Variants in ARG2 observed in about 807,000 individuals in gnomAD.
The protein encoded by ARG2 is arginase 2, also known as arginase-2, mitochondrial.
ARG2 carries 21 observed loss-of-function variants against 39.4 expected under a neutral mutation model. The ratio of observed to expected loss-of-function variants is 0.53; its 90% CI spans 0.38 to 0.77. The LOEUF is 0.77. ARG2 is among the 30% of genes least tolerant of loss of function. ARG2 has a pLI of 0.00. For synonymous variants in ARG2, 150 were observed against 156.7 expected (o/e 0.96, Z 0.32); for missense variants, 378 against 426.2 (o/e 0.89, Z 1.00).
rs991109249 is a variant in ARG2, at chr14:67,627,225, TAAA to T, written c.184+6263_184+6265del. Among the ~76,000 whole-genome samples the T allele has an allele frequency of 5.5e-5, 8 of 144,688 alleles. No individual in the cohort carries two copies. In the South Asian group the frequency reaches 1.1e-3, roughly 20 times the overall value. The allele number at this position is 144,688 out of a possible 152,430, so 94.9% of individuals were successfully genotyped here. On this transcript the variant is annotated intron_variant, in intron 2 of 7. Coordinates refer to ENST00000261783, the MANE Select transcript of ARG2 (RefSeq NM_001172.4). ...GGTATGTGAATTATATCTCAATAAT[TAAA>T]AAACTAGGCAATTGTGATCAGTAAG...
chr14:67,636,948 ACAGTTAGAGAAAGGGAAAGT>A lies in ARG2; in HGVS notation c.185-5237_185-5218del, dbSNP rs552408576. 1.7e-4 allele frequency among the ~76,000 whole-genome samples: 26 copies of A among 152,358 alleles called. No individual in the cohort carries two copies. The South Asian group carries it at 5.0e-3, about 29-fold the overall frequency. On this transcript the variant is annotated intron_variant, in intron 2 of 7. Coordinates refer to ENST00000261783, the MANE Select transcript of ARG2 (RefSeq NM_001172.4). ...ACTTACAGATGAATTGACCTGATGC[ACAGTTAGAGAAAGGGAAAGT>A]TCCCACAGGCATAACAGCCAGACAC... is the stretch of plus-strand genomic sequence containing the variant.
Position 67,651,078 on chromosome 14 carries a change from C to T in ARG2, c.*158C>T, listed in dbSNP as rs537036611. 6.7e-5 allele frequency: 65 copies of T among 965,264 alleles called. No individual in the cohort carries two copies. The Admixed American group carries it at 1.2e-3, about 18-fold the overall frequency. 59.8% of individuals were successfully genotyped at this position (965,264 alleles called of 1,614,324 possible). Reference sequence around the variant, plus strand: ...TAAAGTTTCCCCTCTATTTTGGTGACCAATACTACTGTAAATGTATTTGGT... The same window carrying T: ...TAAAGTTTCCCCTCTATTTTGGTGATCAATACTACTGTAAATGTATTTGGT... On this transcript the variant is annotated 3_prime_UTR_variant, in exon 8 of 8. Coordinates refer to ENST00000261783, the MANE Select transcript of ARG2 (RefSeq NM_001172.4).
chr14:67,621,055 TTG>T (rs2036805265), intron 2 of ARG2, 89 bp downstream of exon 2: 2 of 1,290,292 alleles, frequency 1.6e-6, no homozygotes, highest in South Asian at 1.2e-5. Flanking sequence ...CTACACAGCT[TTG>T]TGTTTGGGAA....
rs768622010 is a variant in ARG2 at position 67,646,968 on chromosome 14, T to C, written c.665T>C (p.Ile222Thr). 5.0e-6 allele frequency: 8 copies of C among 1,612,696 alleles called. No homozygotes were observed. The African/African-American group carries it at 6.7e-5, about 13-fold the overall frequency. The change falls in exon 6 of 8, where the codon ATT becomes ACT. Residue 222 changes from isoleucine to threonine, a missense_variant. Coordinates refer to ENST00000261783, the MANE Select transcript of ARG2 (RefSeq NM_001172.4). ...ATCCAGTATTTTTCCATGAGAGATA[T>C]TGATCGACTTGGTATCCAGAAGGTC... ...YDIQYFSMRD[I>T]DRLGIQKVME... is the part of the protein sequence containing the mutation.
Position 67,646,692 on chromosome 14 carries a change from G to C in ARG2, c.571G>C (p.Ala191Pro), listed in dbSNP as rs199828283. The change falls in exon 5 of 8, where the codon GCA (alanine) becomes CCA (proline). Residue 191 changes from alanine (A) to proline (P), a missense_variant. Ala to Pro is a conservative substitution (Grantham distance 27). Coordinates refer to ENST00000261783, the MANE Select transcript of ARG2 (RefSeq NM_001172.4). Reference protein sequence around the residue: ...FSWIKPCISSASIVYIGLRDV... With the variant: ...FSWIKPCISSPSIVYIGLRDV... Reference sequence around the variant, plus strand: ...CTGGATCAAACCTTGTATCTCTTCTGCAAGTATTGTGTATATTGGTCTGAG... The same window carrying C: ...CTGGATCAAACCTTGTATCTCTTCTCCAAGTATTGTGTATATTGGTCTGAG... 2.5e-6 allele frequency: 4 copies of C among 1,613,836 alleles called. No homozygotes were observed. The highest frequency in any genetic ancestry group is 1.3e-5 in the African/African-American group (1 of 75,016).
chr14:67,645,769 A>G lies in ARG2; in HGVS notation c.489A>G (p.Pro163=). The change falls in exon 4 of 8, where the codon CCA becomes CCG. Residue 163 remains proline (P), a synonymous_variant. Coordinates refer to ENST00000261783, the MANE Select transcript of ARG2 (RefSeq NM_001172.4). The part of the protein sequence containing the change: ...TTSSGNLHGQ[P]VSFLLRELQD... The stretch of plus-strand genomic sequence containing the variant: ...CATCAGGAAATCTCCATGGACAGCC[A>G]GTTTCATTTCTCCTCAGAGAACTAC... 1 of 1,614,084 alleles carries G rather than the reference A, an allele frequency of 6.2e-7. No individual in the cohort carries two copies. Among genetic ancestry groups the G allele is most frequent in the Non-Finnish European group, 8.5e-7 (1 of 1,179,952 alleles).
rs1296832225 is a variant in ARG2, at chr14:67,651,040, AT to A, written c.*122del. 2 of 1,112,046 alleles carry A rather than the reference AT, an allele frequency of 1.8e-6. No individual in the cohort carries two copies. The highest frequency in any genetic ancestry group is 2.6e-6 in the Non-Finnish European group (2 of 775,148). 68.9% of individuals were successfully genotyped at this position (1,112,046 alleles called of 1,614,324 possible). A position where few individuals can be genotyped will look rare whatever the true frequency, so the allele number is the denominator to read the frequency against. ...ACTGCCTTAATGAGAACATTTACAC[AT>A]TCTCACAATTGTAAAGTTTCCCCTC... On this transcript the variant is annotated 3_prime_UTR_variant, in exon 8 of 8. Transcript: ENST00000261783.
intron 2 of ARG2, among the ~76,000 whole-genome samples, chr14:67,623,082 T>C (rs2036827637): frequency 2.6e-5 from 4 of 152,180 alleles, no homozygotes; most frequent in Admixed American, 2.0e-4. Flanking sequence ...TCAAATATAT[T>C]TAATTGTACA....
rs995335234 is a variant in ARG2 at position 67,640,324 on chromosome 14, G to C, written c.185-1862G>C. ...AAAAGATAAATACAGAATTCTTGCT[G>C]TAGGTGTATCTCACCTTTAAGAATA... On this transcript the variant is annotated intron_variant, in intron 2 of 7. Coordinates refer to ENST00000261783, the MANE Select transcript of ARG2 (RefSeq NM_001172.4). Among the ~76,000 whole-genome samples, 6 of 152,246 alleles carry C rather than the reference G, an allele frequency of 3.9e-5. No individual in the cohort carries two copies. The South Asian group carries it at 8.3e-4, about 21-fold the overall frequency.
chr14:67,636,720 C>T (rs1457028030), intron 2 of ARG2, among the ~76,000 whole-genome samples: 3 of 152,176 alleles, frequency 2.0e-5, no homozygotes, highest in Admixed American at 6.5e-5. Context: ...GAGTAGTACT[C>T]GGTGTATTTT....
intron 2 of ARG2, among the ~76,000 whole-genome samples, chr14:67,623,159 A>C (rs1175076093): frequency 6.6e-6 from 1 of 152,204 alleles, no homozygotes; most frequent in Non-Finnish European, 1.5e-5. Flanking sequence ...AGAATCTCAT[A>C]GCCTATTAAA....
At chr14:67,621,067 A>G in intron 2 of ARG2, 101 bp downstream of exon 2, 2 of 1,077,016 alleles carry the variant, frequency 1.9e-6, no homozygotes, top group South Asian at 2.6e-5. Context: ...GTGTTTGGGA[A>G]CAGTCTGCCA....
chr14:67,650,515 C>T, intron 7 of ARG2, 200 bp from the exon 8 acceptor site: 1 of 589,186 alleles, frequency 1.7e-6, no homozygotes, highest in Non-Finnish European at 3.0e-6. Flanking sequence ...TTCTTTTAAT[C>T]TACTATAGCA....
At position 67,651,052 on chromosome 14, in the gene ARG2, G is replaced by A. The variant is rs569744591; in HGVS notation, c.*132G>A. On this transcript the variant is annotated 3_prime_UTR_variant, in exon 8 of 8. Coordinates refer to ENST00000261783, the MANE Select transcript of ARG2 (RefSeq NM_001172.4). ...AGAACATTTACACATTCTCACAATT[G>A]TAAAGTTTCCCCTCTATTTTGGTGA... The A allele has an allele frequency of 9.0e-7, 1 of 1,106,190 alleles. No homozygotes were observed. The highest frequency in any genetic ancestry group is 1.5e-5 in the South Asian group (1 of 65,852). 68.5% of individuals were successfully genotyped at this position (1,106,190 alleles called of 1,614,324 possible).
intron 1 of ARG2, 70 bp from the exon 2 acceptor site, chr14:67,620,824 T>C: frequency 6.5e-7 from 1 of 1,530,544 alleles, no homozygotes; most frequent in South Asian, 1.1e-5. Flanking sequence ...TGCTGGGAAC[T>C]AAATGTACCA....
chr14:67,620,139 C>T (rs1466986211), intron 1 of ARG2, 51 bp downstream of exon 1: 2 of 1,354,456 alleles, frequency 1.5e-6, no homozygotes, highest in Non-Finnish European at 2.0e-6. Flanking sequence ...CCCCCTAGAA[C>T]CTGGAGACAG....
chr14:67,642,083 A>G, intron 2 of ARG2, 103 bp from the exon 3 acceptor site: 1 of 1,128,834 alleles, frequency 8.9e-7, no homozygotes. Context: ...TGACAAAATG[A>G]TTATGATGTG....
At chr14:67,643,527 A>G (rs142224729) in intron 3 of ARG2, among the ~76,000 whole-genome samples, 57 of 152,322 alleles carry the variant, frequency 3.7e-4, no homozygotes, top group African/African-American at 1.1e-3. Flanking sequence ...GGACAGATAT[A>G]TAAGAACTTA....
At chr14:67,640,642 T>A (rs1363364924) in intron 2 of ARG2, among the ~76,000 whole-genome samples, 3 of 152,220 alleles carry the variant, frequency 2.0e-5, no homozygotes, top group Non-Finnish European at 2.9e-5. Flanking sequence ...TCTTATCTTG[T>A]TACTGCCCCT....
Sources: allele counts gnomAD v4.1 joint callset (sites outside exome capture counted in the v4.1 genomes callset), GRCh38; gene constraint gnomAD v4.1.1; transcripts MANE v1.5; gene names NCBI Gene and HGNC (gene_info 2026-07-23, HGNC 2026-07-21).